CSMD2: variants seen among roughly 807,000 people sequenced by gnomAD.
CSMD2 encodes CUB and Sushi multiple domains 2.
Under a neutral mutation model 398.5 loss-of-function variants are expected in CSMD2, and 130 were observed. The ratio of observed to expected loss-of-function variants is 0.33; its 90% CI spans 0.28 to 0.38. The LOEUF (loss-of-function observed/expected upper bound fraction) is 0.38, where lower values mean the gene tolerates loss of function less well. CSMD2 is among the 10% of genes least tolerant of loss of function. The pLI, the probability that CSMD2 is intolerant of heterozygous loss-of-function variation, is 1.00. For missense variants in CSMD2, 3,829 were observed against 4,764.9 expected (o/e 0.80, Z 5.78); for synonymous variants, 1,828 against 1,908.5 (o/e 0.96, Z 1.10).
At chr1:33,545,982 G>A (rs1462923558) in intron 57 of CSMD2, 55 bp downstream of exon 57, 84 of 1,539,612 alleles carry the variant, frequency 5.5e-5, no homozygotes, top group Non-Finnish European at 7.4e-5. Context: ...AGCAGGAGCA[G>A]GGGCGAGCTC....
chr1:33,595,528 T>A (rs1639780280), intron 44 of CSMD2, among the ~76,000 whole-genome samples: 1 of 152,194 alleles, frequency 6.6e-6, no homozygotes, highest in South Asian at 2.1e-4. Context: ...ATCCCCTTCC[T>A]TATAAAAACT....
At chr1:33,540,368 C>T (rs1438178423) in intron 60 of CSMD2, among the ~76,000 whole-genome samples, 157 bp downstream of exon 60, 1 of 152,062 alleles carries the variant, frequency 6.6e-6, no homozygotes, top group African/African-American at 2.4e-5. Flanking sequence ...TCTTCCTTTC[C>T]ACTTCCTTCC....
intron 2 of CSMD2, among the ~76,000 whole-genome samples, chr1:34,062,557 GA>G (rs1654632634): frequency 6.6e-6 from 1 of 152,216 alleles, no homozygotes; most frequent in Admixed American, 6.5e-5. Flanking sequence ...AGGGCAGAGG[GA>G]GGGGCTCCGG....
chr1:33,726,289 G>C (rs185421729), intron 16 of CSMD2, among the ~76,000 whole-genome samples: 4 of 152,200 alleles, frequency 2.6e-5, no homozygotes, highest in Middle Eastern at 3.4e-3. Context: ...GGCTGGGGAG[G>C]GGGGAGCTCT....
At position 33,587,083 on chromosome 1, in the gene CSMD2, G is replaced by C. The variant is rs114525068; in HGVS notation, c.6937+5C>G. ...CACAGTCCTTGCTGGCTTGGGAGGT[G>C]GTACCTATATTGAATTCTTCATTCT... On this transcript the variant is annotated splice_donor_5th_base_variant and intron_variant, in intron 45 of 70. Coordinates refer to ENST00000373381, the MANE Select transcript of CSMD2 (RefSeq NM_001281956.2). The C allele has an allele frequency of 2.7e-5, 43 of 1,596,884 alleles. No individual in the cohort carries two copies. The African/African-American group carries it at 4.7e-4, about 17-fold the overall frequency.
At position 34,075,239 on chromosome 1, in the gene CSMD2, C is replaced by T. The variant is rs1360426923; in HGVS notation, c.404+13738G>A. Among the ~76,000 whole-genome samples, 4 of 152,356 alleles carry T rather than the reference C, an allele frequency of 2.6e-5. No homozygotes were observed. The Middle Eastern group carries it at 0.01, about 389-fold the overall frequency. On this transcript the variant is annotated intron_variant, in intron 2 of 70. Transcript: ENST00000373381. ...GTTTCAATCCTGAACAAAGACTTTT[C>T]CCTCATCCCCATGGGTCCTCCCAGC...
chr1:33,666,876 C>T (rs968608159), intron 25 of CSMD2, among the ~76,000 whole-genome samples: 48 of 152,124 alleles, frequency 3.2e-4, no homozygotes, highest in African/African-American at 1.1e-3. Flanking sequence ...TACGTGCTCT[C>T]AGAAAAGACA....
intron 44 of CSMD2, 64 bp downstream of exon 44, chr1:33,600,801 G>A: frequency 1.3e-6 from 2 of 1,529,194 alleles, no homozygotes; most frequent in Non-Finnish European, 1.8e-6. Context: ...GTGGAGACGG[G>A]AGTCAAGCTC....
At chr1:33,941,206 A>C (rs1437877767) in intron 3 of CSMD2, among the ~76,000 whole-genome samples, 1 of 152,168 alleles carries the variant, frequency 6.6e-6, no homozygotes, top group East Asian at 1.9e-4. Flanking sequence ...ACAAAGCCCG[A>C]CTCTTGCCAA....
At position 33,599,920 on chromosome 1, in the gene CSMD2, A is replaced by G. The variant is rs145731313; in HGVS notation, c.6856+945T>C. On this transcript the variant is annotated intron_variant, in intron 44 of 70. Transcript: ENST00000373381. The stretch of plus-strand genomic sequence containing the variant: ...TGTAATAACACTGTATAGTCACACC[A>G]GAGCAGATACTGTAGCAGATACTGC... The G allele has an allele frequency of 2.8e-4, 157 of 558,880 alleles. No homozygotes were observed. In the East Asian group the frequency reaches 4.3e-3, roughly 15 times the overall value. The allele number at this position is 558,880 out of a possible 1,614,324, so 34.6% of individuals were successfully genotyped here.
At chr1:33,818,263 T>C (rs1657700613) in intron 9 of CSMD2, among the ~76,000 whole-genome samples, 1 of 152,194 alleles carries the variant, frequency 6.6e-6, no homozygotes, top group Non-Finnish European at 1.5e-5. Flanking sequence ...ATTGGAGTGG[T>C]ATGCTATTCA....
chr1:34,032,390 C>T (rs75021635), intron 3 of CSMD2, among the ~76,000 whole-genome samples: 2 of 152,286 alleles, frequency 1.3e-5, no homozygotes, highest in East Asian at 3.8e-4. Context: ...TGCACATGAG[C>T]TTTGATTTCA....
At chr1:33,556,086 G>A (rs1399198278) in intron 55 of CSMD2, among the ~76,000 whole-genome samples, 2 of 152,108 alleles carry the variant, frequency 1.3e-5, no homozygotes, top group Admixed American at 6.5e-5. Flanking sequence ...ATTAGAAGAG[G>A]AGCCTGAATA....
At chr1:33,730,151 T>C (rs1330602176) in intron 15 of CSMD2, among the ~76,000 whole-genome samples, 2 of 152,188 alleles carry the variant, frequency 1.3e-5, no homozygotes, top group Non-Finnish European at 2.9e-5. Context: ...ATATTCTATA[T>C]AATATCATGG....
At chr1:33,942,299 A>G (rs1249759635) in intron 3 of CSMD2, among the ~76,000 whole-genome samples, 1 of 152,230 alleles carries the variant, frequency 6.6e-6, no homozygotes, top group African/African-American at 2.4e-5. Context: ...CAGGAAGTCC[A>G]TAGTGACTAC....
chr1:33,555,990 A>T (rs1248624126), intron 55 of CSMD2, among the ~76,000 whole-genome samples: 1 of 152,042 alleles, frequency 6.6e-6, no homozygotes, highest in Non-Finnish European at 1.5e-5. Context: ...CATGACTTTG[A>T]TGGGTTCAAG....
intron 4 of CSMD2, among the ~76,000 whole-genome samples, chr1:33,921,225 C>T (rs1643927618): frequency 6.6e-6 from 1 of 152,168 alleles, no homozygotes; most frequent in Admixed American, 6.5e-5. Context: ...CAAGATTGGC[C>T]TTGCTTGGCT....
At chr1:33,757,479 T>C (rs1026285205) in intron 13 of CSMD2, among the ~76,000 whole-genome samples, 9 of 152,100 alleles carry the variant, frequency 5.9e-5, no homozygotes, top group African/African-American at 2.2e-4. Flanking sequence ...TTCCCTGGCA[T>C]TAACAAATGA....
rs1646975928 is a variant in CSMD2 at position 33,739,155 on chromosome 1, C to T, written c.2353G>A (p.Val785Met). 4 of 1,613,482 alleles carry T rather than the reference C, an allele frequency of 2.5e-6. No individual in the cohort carries two copies. The highest frequency in any genetic ancestry group is 3.4e-6 in the Non-Finnish European group (4 of 1,179,742). Reference sequence around the variant, plus strand: ...AGGCTCGTACCTTCACACCGCAGCACAGCGCTGTTCCAGACCACGCTGCCC... The same window carrying T: ...AGGCTCGTACCTTCACACCGCAGCATAGCGCTGTTCCAGACCACGCTGCCC... ...KEGSVVWNSA[V>M]LRCEAPCGGH... Residue 785 changes from valine (V) to methionine (M), a missense_variant, in exon 15 of 71, where the codon GTG becomes ATG. Transcript: ENST00000373381.
Sources: gnomAD v4.1 joint callset for allele counts (sites outside exome capture counted in the v4.1 genomes callset) on GRCh38, gnomAD v4.1.1 for gene constraint, MANE v1.5 for transcripts, NCBI Gene and HGNC (gene_info 2026-07-23, HGNC 2026-07-21) for gene names.